Variants in PSME4 observed in about 807,000 individuals in gnomAD.
The protein encoded by PSME4 is proteasome activator subunit 4.
A neutral mutation model predicts 253.9 loss-of-function variants in PSME4; 89 were observed. The observed-to-expected ratio is 0.35, with a 90% CI of 0.30 to 0.42. PSME4 has a LOEUF of 0.42. PSME4 is among the 10% of genes least tolerant of loss of function. The pLI is 1.00. For missense variants in PSME4, 2,014 were observed against 2,195.2 expected (o/e 0.92, Z 1.65); for synonymous variants, 851 against 759.2 (o/e 1.12, Z -1.99).
chr2:53,927,816 G>T (rs957995580), intron 11 of PSME4, among the ~76,000 whole-genome samples: 1 of 151,990 alleles, frequency 6.6e-6, no homozygotes, highest in African/African-American at 2.4e-5. Flanking sequence ...GCATGGTGGC[G>T]TGTGCCTATA....
At chr2:53,927,346 T>C in intron 12 of PSME4, 48 bp downstream of exon 12, 4 of 1,313,764 alleles carry the variant, frequency 3.0e-6, no homozygotes, top group Non-Finnish European at 4.4e-6. Flanking sequence ...GCATATGCAA[T>C]AATAATTAGA....
At chr2:53,914,399 T>A (rs1053278252) in intron 20 of PSME4, among the ~76,000 whole-genome samples, 5 of 152,152 alleles carry the variant, frequency 3.3e-5, no homozygotes, top group African/African-American at 1.2e-4. Context: ...TCTTAAAACA[T>A]TATCTAAAGG....
At chr2:53,905,429 G>A (rs1181501327) in intron 26 of PSME4, among the ~76,000 whole-genome samples, 2 of 152,130 alleles carry the variant, frequency 1.3e-5, no homozygotes, top group Non-Finnish European at 2.9e-5. Flanking sequence ...AGCCGGGCAT[G>A]GTGGCTCACA....
At chr2:53,939,623 G>C (rs763451681) in intron 4 of PSME4, among the ~76,000 whole-genome samples, 2 of 152,090 alleles carry the variant, frequency 1.3e-5, no homozygotes, top group African/African-American at 2.4e-5. Flanking sequence ...ACAGAACATA[G>C]TTGAAAAAAG....
chr2:53,949,364 C>T, intron 1 of PSME4, 81 bp from the exon 2 acceptor site: 1 of 917,008 alleles, frequency 1.1e-6, no homozygotes, highest in Non-Finnish European at 1.5e-6. Context: ...TCCATAGAAG[C>T]CAAGATGTAG....
At chr2:53,958,019 C>T (rs1670313375) in intron 1 of PSME4, among the ~76,000 whole-genome samples, 1 of 151,942 alleles carries the variant, frequency 6.6e-6, no homozygotes. Context: ...AACCCTGTCT[C>T]TACTAAAAAT....
intron 3 of PSME4, among the ~76,000 whole-genome samples, chr2:53,940,961 ATAT>A (rs1558413844): frequency 2.8e-4 from 13 of 45,922 alleles, no homozygotes; most frequent in East Asian, 1.3e-3. Flanking sequence ...ACATATATAT[ATAT>A]ATATATATAT....
At chr2:53,918,544 T>C (rs1400196032) in intron 20 of PSME4, among the ~76,000 whole-genome samples, 2 of 152,122 alleles carry the variant, frequency 1.3e-5, no homozygotes, top group African/African-American at 4.8e-5. Flanking sequence ...GTTTGCCATG[T>C]CATCCAGGCT....
At position 53,950,668 on chromosome 2, in the gene PSME4, C is replaced by A. The variant is rs543143197; in HGVS notation, c.243-1385G>T. ...ACCAGCCTGACCAACATGGAGAAAC[C>A]CCGTCTCTACTAAAAACACAAAATT... On this transcript the variant is annotated intron_variant, in intron 1 of 46. Coordinates refer to ENST00000404125, the MANE Select transcript of PSME4 (RefSeq NM_014614.3). Among the ~76,000 whole-genome samples the A allele has an allele frequency of 4.7e-3, 711 of 151,750 alleles. 2 individuals are homozygous for A. Among genetic ancestry groups the A allele is most frequent in the Middle Eastern group, 0.01 (3 of 292 alleles).
chr2:53,920,284 C>T lies in PSME4; in HGVS notation c.2329G>A (p.Val777Met). 6.2e-7 allele frequency: 1 copy of T among 1,613,974 alleles called. No homozygotes were observed. Among genetic ancestry groups the T allele is most frequent in the South Asian group, 1.1e-5 (1 of 91,054 alleles). The change falls in exon 19 of 47, where the codon GTG (valine) becomes ATG (methionine). Residue 777 changes from valine to methionine, a missense_variant. Around this residue, in one of 4 missense-constraint regions of PSME4, gnomAD observed 989 missense variants for 1,021.1 expected, o/e 0.97. Transcript: ENST00000404125. The part of the protein sequence containing the change: ...IQWHVPSSEE[V>M]SFAFYLLDSF... ...TCCAAAAGATAAAAGGCAAAAGACACTTCTTCTGAAGAAGGAACATGCCAC... is the reference window on the plus strand; with the variant it reads ...TCCAAAAGATAAAAGGCAAAAGACATTTCTTCTGAAGAAGGAACATGCCAC...
intron 3 of PSME4, among the ~76,000 whole-genome samples, chr2:53,944,880 A>T (rs977376698): frequency 3.9e-5 from 6 of 152,238 alleles, no homozygotes; most frequent in Non-Finnish European, 8.8e-5. Flanking sequence ...GAAAAATAAA[A>T]TATCAAATTG....
chr2:53,887,139 T>C (rs1282816920), intron 40 of PSME4, 120 bp downstream of exon 40: 36 of 894,132 alleles, frequency 4.0e-5, no homozygotes, highest in Non-Finnish European at 6.0e-5. Context: ...TAAAAATGGT[T>C]AAAACAGTAA....
chr2:53,865,113 TC>T lies in PSME4; in HGVS notation c.*464del, dbSNP rs1678504628. On this transcript the variant is annotated 3_prime_UTR_variant, in exon 47 of 47. Transcript: ENST00000404125. ...TCATGGCTCTCCAGACCCAAGGTTCTCAAGGCTTCAGATTTATGGCCCACAG... is the reference window on the plus strand; with the variant it reads ...TCATGGCTCTCCAGACCCAAGGTTCTAAGGCTTCAGATTTATGGCCCACAG... The T allele has an allele frequency of 6.6e-6, 1 of 152,640 alleles. No individual in the cohort carries two copies. Among genetic ancestry groups the T allele is most frequent in the Non-Finnish European group, 1.5e-5 (1 of 68,064 alleles). 9.5% of individuals were successfully genotyped at this position (152,640 alleles called of 1,614,324 possible).
At chr2:53,951,052 G>C (rs966075285) in intron 1 of PSME4, among the ~76,000 whole-genome samples, 1 of 152,026 alleles carries the variant, frequency 6.6e-6, no homozygotes, top group African/African-American at 2.4e-5. Context: ...CACTCCCCCA[G>C]TACCTGAGAT....
rs1426158288 is a variant in PSME4, at chr2:53,941,527, C to T, written c.501-1527G>A. Among the ~76,000 whole-genome samples, 5 of 151,996 alleles carry T rather than the reference C, an allele frequency of 3.3e-5. No homozygotes were observed. The East Asian group carries it at 9.7e-4, about 29-fold the overall frequency. On this transcript the variant is annotated intron_variant, in intron 3 of 46. Transcript: ENST00000404125. ...TTTATTTCTGGGCACTTCCAAAGTG[C>T]TTATAAAAAGGCTATCTGCTCATAT...
At chr2:53,919,077 C>T in intron 20 of PSME4, 74 bp downstream of exon 20, 1 of 1,413,220 alleles carries the variant, frequency 7.1e-7, no homozygotes, top group Non-Finnish European at 9.7e-7. Context: ...GCAATAACAA[C>T]AACAAACCAA....
At chr2:53,867,501 G>GGA (rs1553401702) in intron 44 of PSME4, among the ~76,000 whole-genome samples, 46 of 113,428 alleles carry the variant, frequency 4.1e-4, no homozygotes, top group African/African-American at 1.4e-3. Context: ...TCCGTCTCAA[G>GGA]GAAAAAAAAA....
chr2:53,892,897 C>T lies in PSME4; in HGVS notation c.4102G>A (p.Val1368Ile), dbSNP rs1403564318. 1.2e-6 allele frequency: 2 copies of T among 1,613,794 alleles called. No individual in the cohort carries two copies. Among genetic ancestry groups the T allele is most frequent in the East Asian group, 2.2e-5 (1 of 44,846 alleles). ...PVLKPHLEHL[V>I]ADSHESTQRC... is the part of the protein sequence containing the mutation. The stretch of plus-strand genomic sequence containing the variant: ...TGGGTGCTTTCATGTGAATCTGCAA[C>T]CAAATGTTCTAAATGGGGCTTCAGA... Residue 1368 changes from valine (V) to isoleucine (I), a missense_variant, in exon 36 of 47, where the codon GTT (valine) becomes ATT (isoleucine). This residue lies in a region of PSME4 where 989 missense variants were observed against 1,021.1 expected (regional missense o/e 0.97). Coordinates refer to ENST00000404125, the MANE Select transcript of PSME4 (RefSeq NM_014614.3).
chr2:53,907,395 G>C (rs1428733215), intron 24 of PSME4, among the ~76,000 whole-genome samples: 1 of 152,050 alleles, frequency 6.6e-6, no homozygotes, highest in East Asian at 1.9e-4. Context: ...CAGTTCCTTA[G>C]TCATTAAGCC....
Sources: gnomAD v4.1 joint callset for allele counts (sites outside exome capture counted in the v4.1 genomes callset) on GRCh38, gnomAD v4.1.1 for gene constraint, gnomAD v4.1.1 regional missense constraint, MANE v1.5 for transcripts, NCBI Gene and HGNC (gene_info 2026-07-23, HGNC 2026-07-21) for gene names.